Variants in PCSK5 observed in about 807,000 individuals in gnomAD.
PCSK5 encodes prohormone convertase 5.
Under a neutral mutation model 233.2 loss-of-function variants are expected in PCSK5, and 129 were observed. The observed-to-expected ratio is 0.55, with a 90% confidence interval of 0.48 to 0.64. The LOEUF (loss-of-function observed/expected upper bound fraction) is 0.64. Among genes scored for constraint, PCSK5 ranks in the 30% least tolerant of loss-of-function variants. The pLI is 0.00. For synonymous variants in PCSK5, 825 were observed against 879.2 expected (o/e 0.94, Z 1.09); for missense variants, 2,076 against 2,430.1 (o/e 0.85, Z 3.06).
intron 9 of PCSK5, among the ~76,000 whole-genome samples, chr9:76,111,163 T>C (rs1441926319): frequency 6.6e-6 from 1 of 152,124 alleles, no homozygotes; most frequent in South Asian, 2.1e-4. Context: ...CTGTAACAGC[T>C]AGTACGACTC....
At chr9:76,246,458 CACT>C (rs1295377181) in intron 24 of PCSK5, among the ~76,000 whole-genome samples, 1 of 151,606 alleles carries the variant, frequency 6.6e-6, no homozygotes, top group Admixed American at 6.6e-5. Flanking sequence ...AAGCAATCAC[CACT>C]GTTATTGCTT....
intron 28 of PCSK5, among the ~76,000 whole-genome samples, chr9:76,308,238 T>C (rs1828762233): frequency 6.6e-6 from 1 of 152,144 alleles, no homozygotes; most frequent in Non-Finnish European, 1.5e-5. Flanking sequence ...TCCAACAATC[T>C]TGGCAATAGA....
intron 12 of PCSK5, 48 bp downstream of exon 12, chr9:76,159,219 C>A (rs765206149): frequency 1.3e-6 from 2 of 1,538,244 alleles, no homozygotes; most frequent in Non-Finnish European, 1.8e-6. Context: ...CAGCGACACT[C>A]GGCTATTCCT....
intron 2 of PCSK5, among the ~76,000 whole-genome samples, chr9:75,956,589 G>A (rs1245598778): frequency 6.6e-6 from 1 of 152,120 alleles, no homozygotes; most frequent in Non-Finnish European, 1.5e-5. Context: ...CAGAAGTAGA[G>A]TGACTCAAAA....
intron 20 of PCSK5, among the ~76,000 whole-genome samples, chr9:76,219,449 G>A (rs1444621972): frequency 3.3e-5 from 5 of 152,224 alleles, no homozygotes; most frequent in Middle Eastern, 3.4e-3. Context: ...TCCATGTGTC[G>A]GTGTTTCAGG....
chr9:76,008,169 C>T (rs77316923), intron 3 of PCSK5, among the ~76,000 whole-genome samples: 2,067 of 152,204 alleles, frequency 0.014, 39 homozygotes, highest in African/African-American at 0.048. Flanking sequence ...TTTCTGCTGT[C>T]TCTATCTGAC....
At chr9:76,313,246 C>A (rs1828916977) in intron 30 of PCSK5, among the ~76,000 whole-genome samples, 2 of 152,108 alleles carry the variant, frequency 1.3e-5, no homozygotes, top group Non-Finnish European at 2.9e-5. Context: ...CCTTCTTGTA[C>A]AATTGAGTAT....
At chr9:76,153,662 A>G (rs749001321) in intron 10 of PCSK5, among the ~76,000 whole-genome samples, 2 of 152,254 alleles carry the variant, frequency 1.3e-5, no homozygotes, top group Non-Finnish European at 2.9e-5. Context: ...TATTGGCTCT[A>G]TCCTTGAGTA....
intron 36 of PCSK5, among the ~76,000 whole-genome samples, chr9:76,351,444 A>AAAGAAAGG (rs1312049212): frequency 1.7e-3 from 48 of 28,170 alleles, no homozygotes; most frequent in South Asian, 4.2e-3. Flanking sequence ...AATGTGAAAG[A>AAAGAAAGG]AAGGAAAGAA....
chr9:75,889,862 C>T (rs991017589), upstream of PCSK5, among the ~76,000 whole-genome samples: 9 of 152,176 alleles, frequency 5.9e-5, no homozygotes, highest in African/African-American at 1.9e-4. Context: ...TGAACTTCCT[C>T]TGTGGTCTTT....
At chr9:76,131,361 C>A (rs1822755555) in intron 9 of PCSK5, among the ~76,000 whole-genome samples, 1 of 152,110 alleles carries the variant, frequency 6.6e-6, no homozygotes, top group Admixed American at 6.6e-5. Context: ...TCCAGGTCCA[C>A]TGGTTTTTCA....
intron 16 of PCSK5, 72 bp from the exon 17 acceptor site, chr9:76,184,601 T>C (rs1351076154): frequency 4.2e-6 from 4 of 961,266 alleles, no homozygotes; most frequent in Admixed American, 1.8e-5. Flanking sequence ...TTAGCAAGCA[T>C]TAGAACATCT....
At chr9:76,100,393 A>G (rs1182062587) in intron 8 of PCSK5, among the ~76,000 whole-genome samples, 1 of 152,274 alleles carries the variant, frequency 6.6e-6, no homozygotes, top group East Asian at 1.9e-4. Flanking sequence ...TTTGTGCCTG[A>G]CACTGTGCTA....
intron 36 of PCSK5, among the ~76,000 whole-genome samples, chr9:76,351,967 T>C (rs58860231): frequency 0.11 from 16,443 of 152,104 alleles, 944 homozygotes; most frequent in East Asian, 0.2. Flanking sequence ...ACCAGAAAGA[T>C]GCTACTGGAA....
chr9:76,182,045 C>A (rs1047066461), intron 16 of PCSK5, among the ~76,000 whole-genome samples: 5 of 152,224 alleles, frequency 3.3e-5, no homozygotes, highest in Non-Finnish European at 7.3e-5. Flanking sequence ...TCAGACCTGA[C>A]ACATACCAAA....
At chr9:76,248,547 G>A (rs1826692038) in intron 24 of PCSK5, among the ~76,000 whole-genome samples, 1 of 152,128 alleles carries the variant, frequency 6.6e-6, no homozygotes, top group African/African-American at 2.4e-5. Flanking sequence ...ACCCAAAGGA[G>A]AATCATCAAA....
intron 21 of PCSK5, among the ~76,000 whole-genome samples, chr9:76,232,128 G>T (rs1352571662): frequency 5.9e-5 from 9 of 152,188 alleles, no homozygotes; most frequent in African/African-American, 2.2e-4. Context: ...TTCAGGGTTG[G>T]TTCTAGCTCT....
At chr9:76,174,948 A>G in intron 13 of PCSK5, 38 bp from the exon 14 acceptor site, 1 of 1,559,100 alleles carries the variant, frequency 6.4e-7, no homozygotes, top group Non-Finnish European at 8.7e-7. Context: ...AAAGAGGGAA[A>G]ATTTGGTCAT....
At chr9:75,895,903 T>C (rs1336728420) in intron 1 of PCSK5, among the ~76,000 whole-genome samples, 1 of 152,198 alleles carries the variant, frequency 6.6e-6, no homozygotes, top group Non-Finnish European at 1.5e-5. Context: ...GAAATGTTGA[T>C]TCACATGGGC....
Sources: allele counts gnomAD v4.1 joint callset (sites outside exome capture counted in the v4.1 genomes callset), GRCh38; gene constraint gnomAD v4.1.1; transcripts MANE v1.5; gene names NCBI Gene and HGNC (gene_info 2026-07-23, HGNC 2026-07-21).